ETS1: variants seen among roughly 807,000 people sequenced by gnomAD.
ETS1 encodes the protein ETS proto-oncogene 1, transcription factor.
A neutral mutation model predicts 58.6 loss-of-function variants in ETS1; 15 were observed. The observed-to-expected ratio is 0.26, with a 90% CI of 0.17 to 0.39. The LOEUF (loss-of-function observed/expected upper bound fraction) is 0.39. Ranked by LOEUF, ETS1 falls within the 10% of genes least tolerant of loss-of-function variation. ETS1 has a pLI of 1.00. For missense variants in ETS1, 417 were observed against 610.5 expected, an observed-to-expected ratio of 0.68 and a Z score of 3.34; for synonymous variants, 214 against 218.2, an observed-to-expected ratio of 0.98 and a Z score of 0.17.
chr11:128,565,215 A>T (rs1211501859), intron 2 of ETS1, among the ~76,000 whole-genome samples: 1 of 152,138 alleles, frequency 6.6e-6, no homozygotes, highest in Non-Finnish European at 1.5e-5. Flanking sequence ...AGGACCCTTT[A>T]AAAGGACCTG....
In ETS1 at chr11:128,573,094, C is replaced by T. The variant is rs531623285; in HGVS notation, c.37G>A (p.Val13Ile). Residue 13 changes from valine (V) to isoleucine (I), a missense_variant, in exon 2 of 10, where the codon GTC (valine) becomes ATC (isoleucine). Val to Ile is a conservative substitution (Grantham distance 29, BLOSUM62 3). Coordinates refer to ENST00000392668, the MANE Select transcript of ETS1 (RefSeq NM_001143820.2). ...GCAGGACGAGGCGCTGAGTAAGGGACGGGGCTGCTCCCAGCAGAATCCACA... is the reference window on the plus strand; with the variant it reads ...GCAGGACGAGGCGCTGAGTAAGGGATGGGGCTGCTCCCAGCAGAATCCACA... ...YFVDSAGSSP[V>I]PYSAPRPAVV... is the part of the protein sequence containing the mutation. 5.3e-5 allele frequency: 85 copies of T among 1,602,836 alleles called. 1 individual carries two copies. The highest frequency in any genetic ancestry group is 6.4e-5 in the Non-Finnish European group (75 of 1,174,862).
chr11:128,515,895 G>A (rs1461186456), intron 3 of ETS1, among the ~76,000 whole-genome samples: 1 of 152,192 alleles, frequency 6.6e-6, no homozygotes, highest in Non-Finnish European at 1.5e-5. Flanking sequence ...CATTTGAAGT[G>A]TCAAGTGACA....
At chr11:128,494,084 T>C (rs1419400817) in intron 3 of ETS1, among the ~76,000 whole-genome samples, 2 of 152,264 alleles carry the variant, frequency 1.3e-5, no homozygotes, top group African/African-American at 4.8e-5. Flanking sequence ...AGTTAATCAC[T>C]ACCTCCATAG....
rs75373405 is a variant in ETS1 at position 128,539,003 on chromosome 11, C to T, written c.214+17288G>A. Among the ~76,000 whole-genome samples the T allele has an allele frequency of 3.5e-3, 531 of 152,270 alleles. 1 individual carries two copies. Among genetic ancestry groups the T allele is most frequent in the African/African-American group, 0.012 (515 of 41,556 alleles). Reference sequence around the variant, plus strand: ...AAATAATAGGGGAGAACCAGATACACATACGAAAAAGAAAGAAACTAGACC... The same window carrying T: ...AAATAATAGGGGAGAACCAGATACATATACGAAAAAGAAAGAAACTAGACC... On this transcript the variant is annotated intron_variant, in intron 3 of 9. Transcript: ENST00000392668.
At chr11:128,512,004 T>G (rs777179639) in intron 3 of ETS1, among the ~76,000 whole-genome samples, 2 of 152,204 alleles carry the variant, frequency 1.3e-5, no homozygotes, top group Non-Finnish European at 2.9e-5. Context: ...AGTATTAAGA[T>G]GAACTAGCAA....
intron 3 of ETS1, among the ~76,000 whole-genome samples, chr11:128,542,986 A>G (rs1173510013): frequency 6.6e-6 from 1 of 152,144 alleles, no homozygotes; most frequent in Non-Finnish European, 1.5e-5. Flanking sequence ...CAGCCTGGCT[A>G]ACATGGTGAA....
chr11:128,560,499 G>T (rs909640658), intron 2 of ETS1, among the ~76,000 whole-genome samples: 1 of 152,308 alleles, frequency 6.6e-6, no homozygotes, highest in Non-Finnish European at 1.5e-5. Flanking sequence ...GGTTTTAAGA[G>T]GTCAAGTAAA....
At chr11:128,585,901 G>T (rs747793254) in intron 1 of ETS1, among the ~76,000 whole-genome samples, 18 of 152,122 alleles carry the variant, frequency 1.2e-4, no homozygotes, top group Non-Finnish European at 2.1e-4. Flanking sequence ...ACTTGCCTTT[G>T]AACTCCATTA....
At position 128,484,827 on chromosome 11, in the gene ETS1, A is replaced by C. The variant is rs1328497589; in HGVS notation, c.858T>G (p.Ser286Arg). The C allele has an allele frequency of 1.2e-6, 2 of 1,613,568 alleles. No individual in the cohort carries two copies. Among genetic ancestry groups the C allele is most frequent in the Non-Finnish European group, 1.7e-6 (2 of 1,179,566 alleles). ...TAGAGAAGAAATATGACCTACCACG[A>C]CTGGTCCTCCCCATGCACATGTTGT... ...TPDNMCMGRT[S>R]RGKLGGQDSF... The change falls in exon 7 of 10, where the codon AGT becomes AGG. Residue 286 changes from serine to arginine, a missense_variant. Ser to Arg is a moderately radical substitution (Grantham distance 110). This residue lies in a region of ETS1 where 139 missense variants were observed against 152.1 expected (regional missense o/e 0.91). Coordinates refer to ENST00000392668, the MANE Select transcript of ETS1 (RefSeq NM_001143820.2).
At chr11:128,566,731 C>T (rs994262928) in intron 2 of ETS1, among the ~76,000 whole-genome samples, 10 of 150,264 alleles carry the variant, frequency 6.7e-5, no homozygotes, top group Non-Finnish European at 1.2e-4. Context: ...TGCTGTGAGC[C>T]GAGAGGGCGC....
chr11:128,577,766 T>C lies in ETS1; in HGVS notation c.-14-4622A>G, dbSNP rs572790832. On this transcript the variant is annotated intron_variant, in intron 1 of 9. Transcript: ENST00000392668. ...CATTTTTGCACCCAAACAGGTCTCATGGATGCTGCTTAGCTGGGGAGTAAA... is the reference window on the plus strand; with the variant it reads ...CATTTTTGCACCCAAACAGGTCTCACGGATGCTGCTTAGCTGGGGAGTAAA... Among the ~76,000 whole-genome samples the C allele has an allele frequency of 3.3e-5, 5 of 152,274 alleles. 1 individual carries two copies. Among genetic ancestry groups the C allele is most frequent in the African/African-American group, 9.6e-5 (4 of 41,562 alleles).
At chr11:128,558,717 C>G (rs935096933) in intron 2 of ETS1, among the ~76,000 whole-genome samples, 1 of 148,488 alleles carries the variant, frequency 6.7e-6, no homozygotes, top group African/African-American at 2.5e-5. Flanking sequence ...GAAAATGTTT[C>G]CTTACTTTTG....
intron 1 of ETS1, among the ~76,000 whole-genome samples, chr11:128,584,996 AAGGAAG>A (rs1273751851): frequency 0.02 from 1,142 of 57,908 alleles, 178 homozygotes; most frequent in Non-Finnish European, 0.021. Context: ...GAAAGGAAGG[AAGGAAG>A]GAAAGAAAGG....
At chr11:128,466,295 G>A (rs1248073593) in intron 8 of ETS1, among the ~76,000 whole-genome samples, 1 of 152,168 alleles carries the variant, frequency 6.6e-6, no homozygotes, top group Non-Finnish European at 1.5e-5. Context: ...TGGGGCACGG[G>A]GTCTCATGAC....
intron 1 of ETS1, among the ~76,000 whole-genome samples, chr11:128,573,800 T>G (rs1256777559): frequency 6.6e-6 from 1 of 152,266 alleles, no homozygotes; most frequent in African/African-American, 2.4e-5. Flanking sequence ...AGTTAGCTAC[T>G]GGTCATCATT....
At chr11:128,555,958 T>C (rs1236292059) in intron 3 of ETS1, among the ~76,000 whole-genome samples, 2 of 152,260 alleles carry the variant, frequency 1.3e-5, no homozygotes, top group African/African-American at 4.8e-5. Context: ...CACACACCTC[T>C]GTTTATCCAG....
At chr11:128,553,391 T>C (rs1864263015) in intron 3 of ETS1, among the ~76,000 whole-genome samples, 1 of 152,224 alleles carries the variant, frequency 6.6e-6, no homozygotes, top group East Asian at 1.9e-4. Flanking sequence ...CATGTTATCT[T>C]CCCCTCCTGT....
Position 128,490,723 on chromosome 11 carries a change from T to C in ETS1, c.215-147A>G, listed in dbSNP as rs1862774147. On this transcript the variant is annotated intron_variant, in intron 3 of 9. Transcript: ENST00000392668. ...AGCACCAGAGCAGGCAATTTTTTTTTTTTTTTTTTTTTTGAGACGGAGTCT... is the reference window on the plus strand; with the variant it reads ...AGCACCAGAGCAGGCAATTTTTTTTCTTTTTTTTTTTTTGAGACGGAGTCT... 1.4e-5 allele frequency: 8 copies of C among 573,454 alleles called. No individual in the cohort carries two copies. In the Admixed American group the frequency reaches 2.5e-4, roughly 18 times the overall value. 35.5% of individuals were successfully genotyped at this position (573,454 alleles called of 1,614,324 possible).
intron 1 of ETS1, among the ~76,000 whole-genome samples, chr11:128,584,717 T>C (rs562144278): frequency 1.3e-5 from 2 of 152,206 alleles, no homozygotes; most frequent in African/African-American, 4.8e-5. Flanking sequence ...GTAAGTTATG[T>C]CTTCACATCT....
Sources: gnomAD v4.1 joint callset for allele counts (sites outside exome capture counted in the v4.1 genomes callset) on GRCh38, gnomAD v4.1.1 for gene constraint, gnomAD v4.1.1 regional missense constraint, MANE v1.5 for transcripts, NCBI Gene and HGNC (gene_info 2026-07-23, HGNC 2026-07-21) for gene names.